Variants in NMT2 observed in about 807,000 individuals in gnomAD.
NMT2 encodes glycylpeptide N-tetradecanoyltransferase 2.
In NMT2, 35 loss-of-function variants were observed where a neutral mutation model predicts 65.4. The ratio of observed to expected loss-of-function variants is 0.54; its 90% CI spans 0.41 to 0.71. The LOEUF is 0.71. Among genes scored for constraint, NMT2 ranks in the 30% least tolerant of loss-of-function variants. NMT2 has a pLI of 0.00. For missense variants in NMT2, 489 were observed against 611.3 expected, an observed-to-expected ratio of 0.80 and a Z score of 2.11; for synonymous variants, 226 against 231.8, an observed-to-expected ratio of 0.98 and a Z score of 0.23.
At chr10:15,165,554 A>C (rs1464703868) in intron 1 of NMT2, among the ~76,000 whole-genome samples, 1 of 152,146 alleles carries the variant, frequency 6.6e-6, no homozygotes, top group East Asian at 1.9e-4. Flanking sequence ...GTGGTTTGCC[A>C]CTTCCACGCT....
rs34668178 is a variant in NMT2 at position 15,147,095 on chromosome 10, C to CAAAAAAAAAAAAAAAAAAA, written c.111-5557_111-5539dup. 2.2e-4 allele frequency among the ~76,000 whole-genome samples: 10 copies of CAAAAAAAAAAAAAAAAAAA among 44,518 alleles called. 1 individual carries two copies. The highest frequency in any genetic ancestry group is 1.3e-3 in the Admixed American group (3 of 2,230). The allele number at this position is 44,518 out of a possible 152,430, so 29.2% of individuals were successfully genotyped here. A position where few individuals can be genotyped will look rare whatever the true frequency, so the allele number is the denominator to read the frequency against. ...CAACAGCGAAAGATCCTCTCGCTCT[C>CAAAAAAAAAAAAAAAAAAA]AAAAAAAAAAAAAAAAAAAAAAAAA... On this transcript the variant is annotated intron_variant, in intron 1 of 11. Transcript: ENST00000378165.
At chr10:15,126,917 C>T (rs1214895149) in intron 8 of NMT2, among the ~76,000 whole-genome samples, 1 of 152,190 alleles carries the variant, frequency 6.6e-6, no homozygotes, top group Non-Finnish European at 1.5e-5. Flanking sequence ...CTAGAAAGCA[C>T]ATTTATATTT....
intron 8 of NMT2, among the ~76,000 whole-genome samples, chr10:15,125,927 AGT>A (rs1235168269): frequency 6.6e-6 from 1 of 151,968 alleles, no homozygotes; most frequent in Non-Finnish European, 1.5e-5. Context: ...GGCCTCCCAA[AGT>A]GCTGGGATTA....
chr10:15,128,225 C>A (rs1254582442), intron 8 of NMT2, 125 bp downstream of exon 8: 3 of 666,474 alleles, frequency 4.5e-6, no homozygotes, highest in Non-Finnish European at 8.0e-6. Flanking sequence ...CATGAAATCT[C>A]TTTCGCTCCA....
intron 1 of NMT2, among the ~76,000 whole-genome samples, chr10:15,146,684 T>C (rs534642209): frequency 6.6e-6 from 1 of 152,302 alleles, no homozygotes; most frequent in African/African-American, 2.4e-5. Flanking sequence ...CGTCAGAACA[T>C]GTGCCTAGGG....
intron 2 of NMT2, 169 bp downstream of exon 2, chr10:15,141,253 T>A: frequency 1.1e-6 from 1 of 916,296 alleles, no homozygotes. Flanking sequence ...GTTATTTGGG[T>A]GCCAAAGTCC....
At chr10:15,135,448 G>T in intron 2 of NMT2, 30 bp from the exon 3 acceptor site, 1 of 1,606,758 alleles carries the variant, frequency 6.2e-7, no homozygotes, top group East Asian at 2.2e-5. Context: ...CACAGAATAT[G>T]AGAGAGCGGC....
At chr10:15,147,356 C>T (rs1847002784) in intron 1 of NMT2, among the ~76,000 whole-genome samples, 1 of 152,026 alleles carries the variant, frequency 6.6e-6, no homozygotes, top group African/African-American at 2.4e-5. Context: ...GTAATCTTCT[C>T]ATTCGTATTT....
At chr10:15,135,540 C>T in intron 2 of NMT2, 122 bp from the exon 3 acceptor site, 1 of 976,546 alleles carries the variant, frequency 1.0e-6, no homozygotes, top group Non-Finnish European at 1.5e-6. Flanking sequence ...CTCCTCCAAG[C>T]CCAGTCAAGG....
chr10:15,157,687 C>CA (rs937810668), intron 1 of NMT2, among the ~76,000 whole-genome samples: 3 of 152,078 alleles, frequency 2.0e-5, no homozygotes, highest in East Asian at 1.9e-4. Flanking sequence ...GAACTAGAGA[C>CA]AAAAGAGTTC....
At chr10:15,128,095 C>G (rs1202369311) in intron 8 of NMT2, among the ~76,000 whole-genome samples, 1 of 152,190 alleles carries the variant, frequency 6.6e-6, no homozygotes. Flanking sequence ...AATTTCAAAA[C>G]TTACTTGCCT....
At chr10:15,141,215 C>G in intron 2 of NMT2, 2 of 787,138 alleles carry the variant, frequency 2.5e-6, no homozygotes, top group Non-Finnish European at 4.0e-6. Context: ...GGTATCCACA[C>G]ACACACAAAA....
chr10:15,161,109 A>AAAAAAC (rs1220389004), intron 1 of NMT2, among the ~76,000 whole-genome samples: 1 of 146,104 alleles, frequency 6.8e-6, no homozygotes, highest in Non-Finnish European at 1.5e-5. Context: ...AAAAAAAAAA[A>AAAAAAC]ACACAAAGAA....
In NMT2 at chr10:15,133,375, G is replaced by A; in HGVS notation, c.392-12C>T. On this transcript the variant is annotated splice_polypyrimidine_tract_variant and intron_variant, in intron 3 of 11. Transcript: ENST00000378165. ...TGTTATGACTTCATCTGAACAGGGAGAGAAAGAGAAAAAAGAAAGGCAAAA... is the reference window on the plus strand; with the variant it reads ...TGTTATGACTTCATCTGAACAGGGAAAGAAAGAGAAAAAAGAAAGGCAAAA... 6.4e-7 allele frequency: 1 copy of A among 1,571,406 alleles called. No individual in the cohort carries two copies. Among genetic ancestry groups the A allele is most frequent in the Non-Finnish European group, 8.8e-7 (1 of 1,141,218 alleles).
At chr10:15,132,390 C>T (rs886656513) in intron 6 of NMT2, among the ~76,000 whole-genome samples, 10 of 152,118 alleles carry the variant, frequency 6.6e-5, no homozygotes, top group African/African-American at 1.9e-4. Context: ...CACAACCTCC[C>T]TGATCACCGG....
intron 1 of NMT2, among the ~76,000 whole-genome samples, chr10:15,144,478 TC>T (rs1256520292): frequency 6.6e-6 from 1 of 152,152 alleles, no homozygotes; most frequent in Non-Finnish European, 1.5e-5. Flanking sequence ...ACGCCTGTAA[TC>T]CCAGCACTTT....
intron 2 of NMT2, among the ~76,000 whole-genome samples, chr10:15,138,799 A>G (rs1846616074): frequency 6.6e-6 from 1 of 152,158 alleles, no homozygotes; most frequent in Admixed American, 6.5e-5. Context: ...TTAAAAATGC[A>G]GCAGAAAAAA....
intron 7 of NMT2, among the ~76,000 whole-genome samples, chr10:15,129,336 G>A (rs914533930): frequency 6.6e-6 from 1 of 152,130 alleles, no homozygotes; most frequent in Non-Finnish European, 1.5e-5. Context: ...AAAAACAGTG[G>A]TGAGGGGTGG....
Position 15,135,362 on chromosome 10 carries a change from T to G in NMT2, c.303A>C (p.Leu101=), listed in dbSNP as rs771102237. 1.2e-6 allele frequency: 2 copies of G among 1,614,204 alleles called. No individual in the cohort carries two copies. The highest frequency in any genetic ancestry group is 2.7e-5 in the African/African-American group (2 of 75,056). Residue 101 remains leucine, a synonymous_variant, in exon 3 of 12, where the codon CTA becomes CTC. Coordinates refer to ENST00000378165, the MANE Select transcript of NMT2 (RefSeq NM_004808.3). ...LQDIQRAMEL[L]SACQGPARNI... is the part of the protein sequence containing the mutation. Reference sequence around the variant, plus strand: ...TCCTGGCTGGGCCCTGGCATGCGGATAGCAGCTCCATTGCTCTCTGGATAT... The same window carrying G: ...TCCTGGCTGGGCCCTGGCATGCGGAGAGCAGCTCCATTGCTCTCTGGATAT...
Sources: gnomAD v4.1 joint callset for allele counts (sites outside exome capture counted in the v4.1 genomes callset) on GRCh38, gnomAD v4.1.1 for gene constraint, MANE v1.5 for transcripts, NCBI Gene and HGNC (gene_info 2026-07-23, HGNC 2026-07-21) for gene names.